Variants in OSBPL1A observed in about 807,000 individuals in gnomAD.
The protein encoded by OSBPL1A is oxysterol binding protein like 1A.
OSBPL1A carries 80 observed loss-of-function variants against 137.1 expected under a neutral mutation model. That is an observed-to-expected ratio of 0.58 (90% CI 0.49 to 0.70). The LOEUF is 0.70. Among genes scored for constraint, OSBPL1A ranks in the 30% least tolerant of loss-of-function variants. The probability of loss-of-function intolerance (pLI) is 0.00; values close to 1 mark genes in which losing one functional copy is unlikely to be tolerated. For synonymous variants in OSBPL1A, 365 were observed against 389.7 expected, an observed-to-expected ratio of 0.94 and a Z score of 0.75; for missense variants, 970 against 1,129.4, an observed-to-expected ratio of 0.86 and a Z score of 2.02.
intron 17 of OSBPL1A, among the ~76,000 whole-genome samples, chr18:24,224,403 A>T (rs1476243824): frequency 6.6e-6 from 1 of 152,228 alleles, no homozygotes. Context: ...ATATTTTACT[A>T]TATGAACACT....
chr18:24,171,012 C>T (rs951849227), intron 23 of OSBPL1A, among the ~76,000 whole-genome samples: 3 of 150,762 alleles, frequency 2.0e-5, no homozygotes, highest in African/African-American at 4.9e-5. Context: ...TATTAGAATG[C>T]TTGTTTCCTA....
intron 4 of OSBPL1A, among the ~76,000 whole-genome samples, chr18:24,359,097 G>T (rs2091582233): frequency 6.6e-6 from 1 of 151,834 alleles, no homozygotes; most frequent in African/African-American, 2.4e-5. Flanking sequence ...ACATGCCTGT[G>T]GTCCTAATTC....
At chr18:24,172,346 G>T (rs1321778506) in intron 22 of OSBPL1A, 30 bp downstream of exon 22, 38 of 1,504,670 alleles carry the variant, frequency 2.5e-5, no homozygotes, top group Non-Finnish European at 3.1e-5. Context: ...GAAAACTGAA[G>T]GAATGGACGA....
In OSBPL1A at chr18:24,239,299, A is replaced by T. The variant is rs376832322; in HGVS notation, c.1365T>A (p.His455Gln). 3.1e-6 allele frequency: 5 copies of T among 1,614,002 alleles called. No homozygotes were observed. Among genetic ancestry groups the T allele is most frequent in the Non-Finnish European group, 3.4e-6 (4 of 1,180,004 alleles). ...CTTTCACCAGAGACTGCTCTAATTCATGATGTTCAGTGGCCAGCGTCTCCA... is the reference window on the plus strand; with the variant it reads ...CTTTCACCAGAGACTGCTCTAATTCTTGATGTTCAGTGGCCAGCGTCTCCA... Reference protein sequence around the residue: ...EALETLATEHHELEQSLVKGS... With the variant: ...EALETLATEHQELEQSLVKGS... Residue 455 changes from histidine to glutamine, a missense_variant, in exon 16 of 28, where the codon CAT (histidine) becomes CAA (glutamine). Transcript: ENST00000319481.
intron 16 of OSBPL1A, among the ~76,000 whole-genome samples, chr18:24,238,626 G>A (rs571127075): frequency 7.4e-4 from 113 of 152,306 alleles, no homozygotes; most frequent in African/African-American, 2.4e-3. Context: ...GAGAGGTCAT[G>A]GAACACGCCC....
chr18:24,239,286 A>T lies in OSBPL1A; in HGVS notation c.1378T>A (p.Ser460Thr), dbSNP rs1476584954. 1 of 1,614,148 alleles carries T rather than the reference A, an allele frequency of 6.2e-7. No individual in the cohort carries two copies. The highest frequency in any genetic ancestry group is 1.3e-5 in the African/African-American group (1 of 75,054). The change falls in exon 16 of 28, where the codon TCT becomes ACT. Residue 460 changes from serine to threonine, a missense_variant. Around this residue, in one of 2 missense-constraint regions of OSBPL1A, gnomAD observed 647 missense variants for 672.6 expected, o/e 0.96. Coordinates refer to ENST00000319481, the MANE Select transcript of OSBPL1A (RefSeq NM_080597.4). ...LATEHHELEQ[S>T]LVKGSPPASI... is the part of the protein sequence containing the mutation. ...GCGGGTGGAGAGCCTTTCACCAGAGACTGCTCTAATTCATGATGTTCAGTG... is the reference window on the plus strand; with the variant it reads ...GCGGGTGGAGAGCCTTTCACCAGAGTCTGCTCTAATTCATGATGTTCAGTG...
intron 7 of OSBPL1A, among the ~76,000 whole-genome samples, chr18:24,332,717 C>T (rs2091104379): frequency 6.6e-6 from 1 of 152,114 alleles, no homozygotes; most frequent in African/African-American, 2.4e-5. Context: ...TTATAGAATA[C>T]AGCTACTGCA....
intron 18 of OSBPL1A, among the ~76,000 whole-genome samples, chr18:24,189,094 A>T (rs1239759155): frequency 1.3e-5 from 2 of 152,222 alleles, no homozygotes; most frequent in African/African-American, 2.4e-5. Flanking sequence ...GCAAAGTTTA[A>T]ATTTATCCAT....
chr18:24,191,349 A>T (rs563374069), intron 18 of OSBPL1A, among the ~76,000 whole-genome samples: 1 of 152,328 alleles, frequency 6.6e-6, no homozygotes, highest in Admixed American at 6.5e-5. Flanking sequence ...ACATTACTGG[A>T]CATTTTTTTA....
intron 22 of OSBPL1A, 73 bp downstream of exon 22, chr18:24,172,303 C>CA (rs1283010334): frequency 1.8e-6 from 2 of 1,127,454 alleles, no homozygotes; most frequent in African/African-American, 1.6e-5. Flanking sequence ...ACAAACAAAA[C>CA]AAAAAAACTG....
At chr18:24,339,429 A>G (rs1338506692) in intron 5 of OSBPL1A, among the ~76,000 whole-genome samples, 1 of 152,216 alleles carries the variant, frequency 6.6e-6, no homozygotes, top group Non-Finnish European at 1.5e-5. Flanking sequence ...GAATCACTCA[A>G]TTCAGTCTCT....
chr18:24,234,204 T>C (rs1469580684), intron 16 of OSBPL1A, among the ~76,000 whole-genome samples: 2 of 152,330 alleles, frequency 1.3e-5, no homozygotes, highest in East Asian at 3.9e-4. Flanking sequence ...AAGAATACTT[T>C]ATCCACAGTG....
At position 24,175,815 on chromosome 18, in the gene OSBPL1A, G is replaced by A. The variant is rs115226925; in HGVS notation, c.2093+2198C>T. On this transcript the variant is annotated intron_variant, in intron 21 of 27. Transcript: ENST00000319481. ...TTTTGAGCTGATTTTTGTAAAAGGC[G>A]TGAGGTCTAGTTTGAGGTTCATTTT... Among the ~76,000 whole-genome samples, 934 of 152,268 alleles carry A rather than the reference G, an allele frequency of 6.1e-3. 5 individuals carry two copies. The highest frequency in any genetic ancestry group is 0.022 in the African/African-American group (895 of 41,556).
At chr18:24,195,051 C>A (rs953639535) in intron 18 of OSBPL1A, among the ~76,000 whole-genome samples, 1 of 152,186 alleles carries the variant, frequency 6.6e-6, no homozygotes, top group Non-Finnish European at 1.5e-5. Context: ...GTAATCCCAA[C>A]ACTTTGGAAG....
chr18:24,282,687 GTTAA>G lies in OSBPL1A; in HGVS notation c.1175-1743_1175-1740del, dbSNP rs34034293. 9.0e-3 allele frequency among the ~76,000 whole-genome samples: 1,366 copies of G among 152,288 alleles called. 16 individuals are homozygous for G. The highest frequency in any genetic ancestry group is 0.031 in the African/African-American group (1,296 of 41,566). On this transcript the variant is annotated intron_variant, in intron 14 of 27. Coordinates refer to ENST00000319481, the MANE Select transcript of OSBPL1A (RefSeq NM_080597.4). ...TAGTTGAAATGGTTTCTGATATTTTGTTAATTAGACGTTAAGATCCTTTAAATCT... is the reference window on the plus strand; with the variant it reads ...TAGTTGAAATGGTTTCTGATATTTTGTTAGACGTTAAGATCCTTTAAATCT...
intron 16 of OSBPL1A, among the ~76,000 whole-genome samples, chr18:24,232,504 T>C (rs1343580310): frequency 1.3e-5 from 2 of 152,212 alleles, no homozygotes; most frequent in African/African-American, 2.4e-5. Context: ...ATTTGTAACA[T>C]CTGCACATGT....
intron 15 of OSBPL1A, among the ~76,000 whole-genome samples, chr18:24,278,360 G>A (rs920474101): frequency 1.3e-5 from 2 of 152,202 alleles, no homozygotes; most frequent in South Asian, 4.1e-4. Flanking sequence ...TATCAGAAAA[G>A]AGAGGCTACA....
At chr18:24,262,331 C>G (rs923186815) in intron 15 of OSBPL1A, among the ~76,000 whole-genome samples, 2 of 152,112 alleles carry the variant, frequency 1.3e-5, no homozygotes, top group African/African-American at 4.8e-5. Context: ...CTAAAAATAG[C>G]TTGCTCTTAC....
chr18:24,383,975 CACA>C (rs1311727307), intron 1 of OSBPL1A, among the ~76,000 whole-genome samples: 2 of 152,146 alleles, frequency 1.3e-5, no homozygotes, highest in African/African-American at 4.8e-5. Context: ...AAACGACAAC[CACA>C]ACAACATGTG....
Sources: allele counts gnomAD v4.1 joint callset (sites outside exome capture counted in the v4.1 genomes callset), GRCh38; gene constraint gnomAD v4.1.1; regional missense constraint gnomAD v4.1.1; transcripts MANE v1.5; gene names NCBI Gene and HGNC (gene_info 2026-07-23, HGNC 2026-07-21).